Variants in MAST2 observed in about 807,000 individuals in gnomAD.
MAST2 encodes the protein microtubule associated serine/threonine kinase 2.
Under a neutral mutation model 147.4 loss-of-function variants are expected in MAST2, and 70 were observed. That is an observed-to-expected ratio of 0.47 (90% confidence interval 0.39 to 0.58). The LOEUF (loss-of-function observed/expected upper bound fraction) is 0.58. Among genes scored for constraint, MAST2 ranks in the 20% least tolerant of loss-of-function variants. The probability of loss-of-function intolerance (pLI) is 0.00; values close to 1 mark genes in which losing one functional copy is unlikely to be tolerated. For synonymous variants in MAST2, 869 were observed against 896.8 expected (o/e 0.97, Z 0.55); for missense variants, 2,080 against 2,302.3 (o/e 0.90, Z 1.98).
chr1:45,815,404 A>G (rs1263622263), intron 1 of MAST2, among the ~76,000 whole-genome samples: 3 of 152,172 alleles, frequency 2.0e-5, no homozygotes, highest in Non-Finnish European at 4.4e-5. Context: ...TCCTGACCTC[A>G]GGTGATCCAC....
intron 7 of MAST2, among the ~76,000 whole-genome samples, chr1:46,003,333 A>G (rs887744966): frequency 6.6e-6 from 1 of 152,158 alleles, no homozygotes; most frequent in Non-Finnish European, 1.5e-5. Flanking sequence ...TTGTTATTTG[A>G]TATCCAAGTT....
intron 4 of MAST2, among the ~76,000 whole-genome samples, chr1:45,940,140 C>T (rs1418982826): frequency 6.6e-6 from 1 of 151,208 alleles, no homozygotes; most frequent in Admixed American, 6.6e-5. Flanking sequence ...TTATAGGTGC[C>T]CACTGCCACG....
intron 4 of MAST2, among the ~76,000 whole-genome samples, chr1:45,921,638 G>A (rs1283588351): frequency 1.3e-5 from 2 of 152,150 alleles, no homozygotes; most frequent in Non-Finnish European, 2.9e-5. Context: ...CAGGCGCCAC[G>A]CAAGCAACTT....
intron 5 of MAST2, among the ~76,000 whole-genome samples, chr1:45,963,024 T>C (rs1312839492): frequency 1.3e-5 from 2 of 152,174 alleles, no homozygotes; most frequent in Non-Finnish European, 2.9e-5. Context: ...ATAGGGAATC[T>C]TTTCCCCATT....
chr1:45,803,707 G>T lies in MAST2; in HGVS notation c.-189G>T, dbSNP rs1424137910. 8.0e-4 allele frequency: 280 copies of T among 350,852 alleles called. 3 individuals carry two copies. The highest frequency in any genetic ancestry group is 1.4e-4 in the Non-Finnish European group (27 of 197,568). The allele number at this position is 350,852 out of a possible 1,614,324, so 21.7% of individuals were successfully genotyped here. ...AGCGATGCTGTCTCTTCCGTGAGGA[G>T]CGCAGAGGAGGTCGCGGCGCCGGAG... is the stretch of plus-strand genomic sequence containing the variant. On this transcript the variant is annotated 5_prime_UTR_variant, in exon 1 of 29. Coordinates refer to ENST00000361297, the MANE Select transcript of MAST2 (RefSeq NM_015112.3).
chr1:45,894,218 TAAA>T lies in MAST2; in HGVS notation c.500+11836_500+11838del, dbSNP rs61201783. Among the ~76,000 whole-genome samples the T allele has an allele frequency of 7.2e-4, 103 of 143,378 alleles. 2 individuals carry two copies. Among genetic ancestry groups the T allele is most frequent in the African/African-American group, 2.5e-3 (97 of 39,340 alleles). The allele number at this position is 143,378 out of a possible 152,430, so 94.1% of individuals were successfully genotyped here. ...GTGACAGTGAGACCCTGTCTCAAAT[TAAA>T]AAAAAAAAAAAATTACACTGAAAGT... On this transcript the variant is annotated intron_variant, in intron 4 of 28. Transcript: ENST00000361297.
At chr1:45,851,233 T>C (rs1391879470) in intron 3 of MAST2, among the ~76,000 whole-genome samples, 3 of 152,132 alleles carry the variant, frequency 2.0e-5, no homozygotes, top group Admixed American at 6.5e-5. Context: ...TTTTTGTAGC[T>C]ATTGTAAATG....
chr1:45,860,780 C>G (rs1191972038), intron 3 of MAST2, among the ~76,000 whole-genome samples: 1 of 151,922 alleles, frequency 6.6e-6, no homozygotes, highest in Non-Finnish European at 1.5e-5. Flanking sequence ...TGTAGTGAGC[C>G]GAGATCATGC....
At position 46,010,938 on chromosome 1, in the gene MAST2, A is replaced by T. The variant is rs1034388516; in HGVS notation, c.1187A>T (p.Asp396Val). ...GATAATTTGGAGAAACTTTTACAAG[A>T]TGTGAGTGTCCTTGTGCTGGGGTTC... ...LQDNLEKLLQ[D>V]AHERSESSEV... Residue 396 changes from aspartate to valine, a missense_variant and splice_region_variant, in exon 10 of 29, where the codon GAT (aspartate) becomes GTT (valine). This residue lies in a region of MAST2 where 569 missense variants were observed against 642.5 expected (regional missense o/e 0.89). Transcript: ENST00000361297. 8.1e-6 allele frequency: 13 copies of T among 1,612,706 alleles called. No homozygotes were observed. The highest frequency in any genetic ancestry group is 5.9e-6 in the Non-Finnish European group (7 of 1,178,880).
intron 4 of MAST2, among the ~76,000 whole-genome samples, chr1:45,916,467 A>C (rs936577914): frequency 2.6e-5 from 4 of 152,188 alleles, no homozygotes; most frequent in African/African-American, 9.6e-5. Context: ...TTATTTAATA[A>C]TCTTCGATAG....
rs1645113020 is a variant in MAST2, at chr1:45,997,717, T to C, written c.593-7T>C. ...TCACAGAGTTTTGTTTCTTTTCCCA[T>C]CCACAGGTAACAGTCCTTTGGACAG... is the stretch of plus-strand genomic sequence containing the variant. On this transcript the variant is annotated splice_region_variant and splice_polypyrimidine_tract_variant and intron_variant, in intron 5 of 28. Coordinates refer to ENST00000361297, the MANE Select transcript of MAST2 (RefSeq NM_015112.3). The C allele has an allele frequency of 1.2e-6, 2 of 1,612,948 alleles. No homozygotes were observed. Among genetic ancestry groups the C allele is most frequent in the Non-Finnish European group, 8.5e-7 (1 of 1,179,014 alleles).
chr1:45,834,264 G>A (rs971391281), intron 3 of MAST2, among the ~76,000 whole-genome samples: 6 of 152,094 alleles, frequency 3.9e-5, no homozygotes, highest in African/African-American at 1.4e-4. Flanking sequence ...ACAAAAGGGG[G>A]CAAGAATTAT....
At chr1:45,921,151 A>G (rs1374949603) in intron 4 of MAST2, among the ~76,000 whole-genome samples, 1 of 152,218 alleles carries the variant, frequency 6.6e-6, no homozygotes, top group East Asian at 1.9e-4. Flanking sequence ...GACCGCCACC[A>G]CGCCCAGCTA....
At chr1:46,002,917 A>C in intron 7 of MAST2, 34 bp downstream of exon 7, 9 of 1,577,320 alleles carry the variant, frequency 5.7e-6, no homozygotes, top group Non-Finnish European at 7.8e-6. Flanking sequence ...TACTTCCTTC[A>C]CCCTAAGGAA....
rs1309494260 is a variant in MAST2, at chr1:46,034,166, A to G, written c.3768A>G (p.Ser1256=). 2 of 1,614,002 alleles carry G rather than the reference A, an allele frequency of 1.2e-6. No homozygotes were observed. Among genetic ancestry groups the G allele is most frequent in the Non-Finnish European group, 1.7e-6 (2 of 1,180,008 alleles). Reference sequence around the variant, plus strand: ...TTTCTTCCCTTAACCGCTCCTTGTCATCAGGGGAGAGTGGGCCAGGCTCTC... The same window carrying G: ...TTTCTTCCCTTAACCGCTCCTTGTCGTCAGGGGAGAGTGGGCCAGGCTCTC... ...RSLSSLNRSL[S]SGESGPGSPT... The change falls in exon 28 of 29, where the codon TCA becomes TCG. Residue 1256 remains serine (S), a synonymous_variant. Coordinates refer to ENST00000361297, the MANE Select transcript of MAST2 (RefSeq NM_015112.3).
chr1:45,847,122 AT>A, intron 3 of MAST2: 1 of 492,558 alleles, frequency 2.0e-6, no homozygotes, highest in South Asian at 1.6e-5. Flanking sequence ...ATTAGCACAG[AT>A]TTTTCTCATT....
chr1:45,896,580 G>C (rs553961110), intron 4 of MAST2, among the ~76,000 whole-genome samples: 1 of 152,110 alleles, frequency 6.6e-6, no homozygotes, highest in African/African-American at 2.4e-5. Flanking sequence ...TCTCTCATGG[G>C]AGAGCCTTAA....
At chr1:45,911,508 G>A (rs1212021873) in intron 4 of MAST2, among the ~76,000 whole-genome samples, 2 of 152,234 alleles carry the variant, frequency 1.3e-5, no homozygotes, top group Admixed American at 6.5e-5. Flanking sequence ...CTACTGAAAG[G>A]TAAAGCGCAG....
chr1:45,987,776 G>GTTTTTTTTTTTTTGT (rs1644692974), intron 5 of MAST2, among the ~76,000 whole-genome samples: 1 of 30,708 alleles, frequency 3.3e-5, no homozygotes, highest in Non-Finnish European at 5.9e-5. Flanking sequence ...TTTTTTTTTT[G>GTTTTTTTTTTTTTGT]ATTTTTTTTT....
Sources: gnomAD v4.1 joint callset for allele counts (sites outside exome capture counted in the v4.1 genomes callset) on GRCh38, gnomAD v4.1.1 for gene constraint, gnomAD v4.1.1 regional missense constraint, MANE v1.5 for transcripts, NCBI Gene and HGNC (gene_info 2026-07-23, HGNC 2026-07-21) for gene names.